GABARAPL2: variants seen among roughly 807,000 people sequenced by gnomAD.
GABARAPL2 encodes the protein GABA type A receptor associated protein like 2.
GABARAPL2 carries 11 observed loss-of-function variants against 16.9 expected under a neutral mutation model. The ratio of observed to expected loss-of-function variants is 0.65; its 90% CI spans 0.41 to 1.08. The LOEUF (loss-of-function observed/expected upper bound fraction) is 1.08, where lower values mean the gene tolerates loss of function less well. Among genes scored for constraint, GABARAPL2 ranks in the 50% least tolerant of loss-of-function variants. GABARAPL2 has a pLI of 0.00. For missense variants in GABARAPL2, 134 were observed against 142.5 expected, an observed-to-expected ratio of 0.94 and a Z score of 0.30; for synonymous variants, 57 against 50.7, an observed-to-expected ratio of 1.12 and a Z score of -0.53.
chr16:75,573,135 C>T (rs1482864640), intron 3 of GABARAPL2, among the ~76,000 whole-genome samples: 1 of 152,250 alleles, frequency 6.6e-6, no homozygotes, highest in Non-Finnish European at 1.5e-5. Context: ...AGTTTAACTT[C>T]TCAGAGGTTT....
At chr16:75,570,784 A>G (rs987998070) in intron 3 of GABARAPL2, among the ~76,000 whole-genome samples, 1 of 152,236 alleles carries the variant, frequency 6.6e-6, no homozygotes, top group Non-Finnish European at 1.5e-5. Context: ...CATTTAAAAA[A>G]GAGGGAATCA....
chr16:75,570,245 T>G (rs1391655378), intron 3 of GABARAPL2, among the ~76,000 whole-genome samples: 2 of 152,092 alleles, frequency 1.3e-5, no homozygotes, highest in Non-Finnish European at 2.9e-5. Flanking sequence ...GGACCACAGG[T>G]GCATGTCACC....
At chr16:75,566,745 GGAACCA>G in intron 1 of GABARAPL2, 101 bp from the exon 2 acceptor site, 1 of 1,175,822 alleles carries the variant, frequency 8.5e-7, no homozygotes, top group Non-Finnish European at 1.3e-6. Context: ...CGGGGACGCC[GGAACCA>G]GGGCCTGGGT....
chr16:75,577,169 A>G, intron 3 of GABARAPL2, 110 bp from the exon 4 acceptor site: 1 of 723,416 alleles, frequency 1.4e-6, no homozygotes, highest in Non-Finnish European at 2.5e-6. Context: ...ATAAGCACAC[A>G]GCAGGTACTG....
chr16:75,575,108 C>T (rs1008455745), intron 3 of GABARAPL2, among the ~76,000 whole-genome samples: 5 of 152,062 alleles, frequency 3.3e-5, no homozygotes, highest in Admixed American at 1.3e-4. Context: ...TTTTAAAGCT[C>T]TCTTTAAAGT....
intron 3 of GABARAPL2, chr16:75,568,439 T>TGGGCG: frequency 2.6e-6 from 1 of 380,684 alleles, no homozygotes; most frequent in Non-Finnish European, 4.8e-6. Flanking sequence ...ATGATGAAAC[T>TGGGCG]CAGCCTAAGA....
chr16:75,568,863 C>T (rs2080898888), intron 3 of GABARAPL2, among the ~76,000 whole-genome samples: 1 of 152,160 alleles, frequency 6.6e-6, no homozygotes, highest in Non-Finnish European at 1.5e-5. Flanking sequence ...GTTTGACAGC[C>T]CAGCTTTAGT....
intron 3 of GABARAPL2, chr16:75,572,514 A>G (rs574443082): frequency 5.3e-5 from 8 of 152,372 alleles, no homozygotes; most frequent in Middle Eastern, 3.4e-3. Context: ...GCCTCTCCCA[A>G]TGCATAGCGC....
intron 1 of GABARAPL2, 163 bp from the exon 2 acceptor site, chr16:75,566,689 C>G (rs569116759): frequency 1.1e-6 from 1 of 949,142 alleles, no homozygotes; most frequent in African/African-American, 1.6e-5. Flanking sequence ...CCATGTCACC[C>G]TCCGCGGGCC....
In GABARAPL2 at chr16:75,568,217, G is replaced by A. The variant is rs766296843; in HGVS notation, c.263+8G>A. On this transcript the variant is annotated splice_region_variant and intron_variant, in intron 3 of 3. Transcript: ENST00000037243. ...GACAGTCCCACAGTCCAGGTGAGAG[G>A]TGTTTACTAGATGGGCCCTCTGGTA... 5 of 1,577,666 alleles carry A rather than the reference G, an allele frequency of 3.2e-6. No homozygotes were observed. The highest frequency in any genetic ancestry group is 8.7e-7 in the Non-Finnish European group (1 of 1,150,046).
intron 3 of GABARAPL2, 76 bp from the exon 4 acceptor site, chr16:75,577,203 C>A: frequency 1.2e-6 from 1 of 869,502 alleles, no homozygotes; most frequent in Non-Finnish European, 2.0e-6. Flanking sequence ...TACTAAATTC[C>A]TGTCCTCAGG....
At chr16:75,574,471 G>A (rs1342298969) in intron 3 of GABARAPL2, among the ~76,000 whole-genome samples, 3 of 152,146 alleles carry the variant, frequency 2.0e-5, no homozygotes, top group Admixed American at 2.0e-4. Context: ...TTGGACAAAT[G>A]GGGTAAAGAG....
At chr16:75,576,860 C>T in intron 3 of GABARAPL2, 1 of 159,110 alleles carries the variant, frequency 6.3e-6, no homozygotes, top group South Asian at 1.8e-4. Context: ...ACCATGTGGG[C>T]ACCCTGGGGC....
intron 3 of GABARAPL2, among the ~76,000 whole-genome samples, chr16:75,571,027 CCT>C (rs1457312148): frequency 3.9e-5 from 6 of 152,098 alleles, no homozygotes; most frequent in East Asian, 1.9e-4. Context: ...TTGTTAATCC[CCT>C]GTTTAAAATA....
chr16:75,570,839 C>A (rs1290706816), intron 3 of GABARAPL2, among the ~76,000 whole-genome samples: 1 of 152,252 alleles, frequency 6.6e-6, no homozygotes, highest in Admixed American at 6.5e-5. Flanking sequence ...AATTCTCTGC[C>A]TAGGTGCCAG....
chr16:75,569,012 C>T (rs1443467577), intron 3 of GABARAPL2, among the ~76,000 whole-genome samples: 1 of 152,184 alleles, frequency 6.6e-6, no homozygotes, highest in Non-Finnish European at 1.5e-5. Context: ...CTGGCCACAT[C>T]TTATCTTTGT....
At chr16:75,574,151 T>C (rs1354630141) in intron 3 of GABARAPL2, among the ~76,000 whole-genome samples, 1 of 152,228 alleles carries the variant, frequency 6.6e-6, no homozygotes, top group Non-Finnish European at 1.5e-5. Flanking sequence ...TCTCACGACC[T>C]GCCTTCAACA....
At chr16:75,573,935 T>G (rs989067520) in intron 3 of GABARAPL2, among the ~76,000 whole-genome samples, 1 of 152,260 alleles carries the variant, frequency 6.6e-6, no homozygotes, top group African/African-American at 2.4e-5. Flanking sequence ...AAAGAGTTAA[T>G]ACATGTAATG....
intron 3 of GABARAPL2, 70 bp downstream of exon 3, chr16:75,568,279 C>A: frequency 4.4e-6 from 5 of 1,134,286 alleles, no homozygotes; most frequent in Admixed American, 2.1e-5. Context: ...AACTCCAAAA[C>A]TTTGGAAGTC....
Sources: gnomAD v4.1 joint callset for allele counts (sites outside exome capture counted in the v4.1 genomes callset) on GRCh38, gnomAD v4.1.1 for gene constraint, MANE v1.5 for transcripts, NCBI Gene and HGNC (gene_info 2026-07-23, HGNC 2026-07-21) for gene names.